CRTAC1: variants seen among roughly 807,000 people sequenced by gnomAD.
The protein encoded by CRTAC1 is acidic secreted protein in cartilage.
In CRTAC1, 37 loss-of-function variants were observed where a neutral mutation model predicts 67.8. The observed-to-expected ratio is 0.55, with a 90% confidence interval of 0.42 to 0.72. The LOEUF (loss-of-function observed/expected upper bound fraction) is 0.72. Among genes scored for constraint, CRTAC1 ranks in the 30% least tolerant of loss-of-function variants. The pLI is 0.00. For synonymous variants in CRTAC1, 348 were observed against 371.0 expected (o/e 0.94, Z 0.71); for missense variants, 780 against 931.6 (o/e 0.84, Z 2.12).
In CRTAC1 at chr10:98,011,262, T is replaced by C. The variant is rs372103618; in HGVS notation, c.100A>G (p.Met34Val). The part of the protein sequence containing the change: ...ITEGSQRAEP[M>V]FTAVTNSVLP... ...ACTGAGTTGGTGACTGCAGTGAACA[T>C]GGGTTCAGCCCGCTGGGACCCCTCA... The change falls in exon 2 of 15, where the codon ATG (methionine) becomes GTG (valine). Residue 34 changes from methionine to valine, a missense_variant. Transcript: ENST00000370597. 11 of 1,614,066 alleles carry C rather than the reference T, an allele frequency of 6.8e-6. No homozygotes were observed. Among genetic ancestry groups the C allele is most frequent in the African/African-American group, 1.3e-5 (1 of 74,928 alleles).
intron 2 of CRTAC1, 104 bp from the exon 3 acceptor site, chr10:97,936,470 G>T: frequency 1.1e-6 from 1 of 899,044 alleles, no homozygotes; most frequent in African/African-American, 1.7e-5. Context: ...CACGCCATGG[G>T]GCAAGTCAGA....
chr10:97,999,587 T>C (rs1842648781), intron 2 of CRTAC1, among the ~76,000 whole-genome samples: 1 of 152,188 alleles, frequency 6.6e-6, no homozygotes, highest in South Asian at 2.1e-4. Flanking sequence ...GTGTCATGAA[T>C]GGCAGCAGGA....
At chr10:97,953,576 C>T (rs1010173920) in intron 2 of CRTAC1, among the ~76,000 whole-genome samples, 1 of 152,170 alleles carries the variant, frequency 6.6e-6, no homozygotes, top group Non-Finnish European at 1.5e-5. Flanking sequence ...AGCTTTCCTT[C>T]CATTCTCATG....
chr10:97,910,046 G>T (rs187712452), intron 5 of CRTAC1, among the ~76,000 whole-genome samples: 1 of 151,978 alleles, frequency 6.6e-6, no homozygotes, highest in Admixed American at 6.6e-5. Flanking sequence ...TTTACTAGGG[G>T]CTAGGGGTAG....
At chr10:97,921,340 C>T (rs1019464592) in intron 4 of CRTAC1, among the ~76,000 whole-genome samples, 1 of 152,148 alleles carries the variant, frequency 6.6e-6, no homozygotes, top group Non-Finnish European at 1.5e-5. Context: ...AAGTTAGAAA[C>T]TTGTGTCTGC....
At chr10:97,876,687 C>T (rs1263381937) in intron 14 of CRTAC1, among the ~76,000 whole-genome samples, 2 of 152,124 alleles carry the variant, frequency 1.3e-5, no homozygotes, top group Non-Finnish European at 2.9e-5. Flanking sequence ...ACAAAGATGT[C>T]AGGAGCCTAG....
intron 2 of CRTAC1, among the ~76,000 whole-genome samples, chr10:98,000,624 G>A (rs1047915980): frequency 3.3e-5 from 5 of 152,218 alleles, no homozygotes; most frequent in Admixed American, 1.3e-4. Flanking sequence ...TGGGCGGAGC[G>A]AGCCCATCAG....
At chr10:97,958,711 A>G (rs1194781408) in intron 2 of CRTAC1, among the ~76,000 whole-genome samples, 1 of 152,194 alleles carries the variant, frequency 6.6e-6, no homozygotes, top group Non-Finnish European at 1.5e-5. Flanking sequence ...CTGGTGGCCA[A>G]CCAGCAAGGT....
At position 98,030,381 on chromosome 10, in the gene CRTAC1, G is replaced by A. The variant is rs1843347348; in HGVS notation, c.24+68C>T. Reference sequence around the variant, plus strand: ...CCCCGCCACCCTTGCGGGCGGATCCGGGGGGGCGCGCAGAGCTGGAGAAAC... The same window carrying A: ...CCCCGCCACCCTTGCGGGCGGATCCAGGGGGGCGCGCAGAGCTGGAGAAAC... On this transcript the variant is annotated intron_variant, in intron 1 of 14. Coordinates refer to ENST00000370597, the MANE Select transcript of CRTAC1 (RefSeq NM_018058.7). The surrounding 1 kb of genome is among the most constrained non-coding windows in gnomAD (Gnocchi z 4.2). The A allele has an allele frequency of 9.0e-6, 9 of 1,001,352 alleles. No individual in the cohort carries two copies. The highest frequency in any genetic ancestry group is 1.2e-5 in the Non-Finnish European group (9 of 764,100). 62.0% of individuals were successfully genotyped at this position (1,001,352 alleles called of 1,614,324 possible).
At chr10:97,902,377 T>C (rs559148988) in intron 7 of CRTAC1, among the ~76,000 whole-genome samples, 15 of 152,320 alleles carry the variant, frequency 9.8e-5, no homozygotes, top group African/African-American at 3.4e-4. Context: ...CTCTACTACC[T>C]TACGTTGTTT....
chr10:97,916,001 G>A (rs1461984030), intron 5 of CRTAC1, among the ~76,000 whole-genome samples: 2 of 151,868 alleles, frequency 1.3e-5, no homozygotes, highest in East Asian at 1.9e-4. Flanking sequence ...CCTCCTTCCC[G>A]CTCCTCGGTT....
chr10:98,010,626 C>G (rs887844703), intron 2 of CRTAC1, among the ~76,000 whole-genome samples: 1 of 152,086 alleles, frequency 6.6e-6, no homozygotes, highest in African/African-American at 2.4e-5. Flanking sequence ...GCATGCTCAG[C>G]GGAGGTTTAG....
At chr10:97,883,788 G>C (rs895157418) in intron 12 of CRTAC1, among the ~76,000 whole-genome samples, 6 of 152,196 alleles carry the variant, frequency 3.9e-5, no homozygotes, top group Admixed American at 6.5e-5. Context: ...AGAAAACCTG[G>C]TGCAGGCTCT....
intron 3 of CRTAC1, among the ~76,000 whole-genome samples, chr10:97,928,307 T>C (rs964758958): frequency 6.6e-6 from 1 of 152,110 alleles, no homozygotes; most frequent in African/African-American, 2.4e-5. Flanking sequence ...GGGGGCCAGG[T>C]GCTACACCAG....
At chr10:98,001,251 G>A (rs1441005364) in intron 2 of CRTAC1, among the ~76,000 whole-genome samples, 1 of 152,054 alleles carries the variant, frequency 6.6e-6, no homozygotes, top group Non-Finnish European at 1.5e-5. Flanking sequence ...AGGCCAAGCA[G>A]AAAAATATAA....
intron 1 of CRTAC1, among the ~76,000 whole-genome samples, chr10:98,012,328 C>T (rs999201323): frequency 2.6e-5 from 4 of 151,918 alleles, no homozygotes; most frequent in African/African-American, 9.7e-5. Context: ...TGAGTGAAAG[C>T]AAGGGAGACA....
At chr10:97,955,869 C>G (rs532549778) in intron 2 of CRTAC1, among the ~76,000 whole-genome samples, 1 of 152,140 alleles carries the variant, frequency 6.6e-6, no homozygotes, top group African/African-American at 2.4e-5. Context: ...AAAGAGGCCA[C>G]GATGACTAAA....
At chr10:98,023,470 G>T (rs1299366766) in intron 1 of CRTAC1, among the ~76,000 whole-genome samples, 1 of 152,206 alleles carries the variant, frequency 6.6e-6, no homozygotes, top group Non-Finnish European at 1.5e-5. Context: ...TGAATTTGTG[G>T]CTGAGAACAA....
At chr10:97,946,870 G>GT (rs2051273435) in intron 2 of CRTAC1, among the ~76,000 whole-genome samples, 1 of 152,144 alleles carries the variant, frequency 6.6e-6, no homozygotes, top group Non-Finnish European at 1.5e-5. Flanking sequence ...TTCTCGAAAC[G>GT]GTCTGGTTCG....
Sources: allele counts gnomAD v4.1 joint callset (sites outside exome capture counted in the v4.1 genomes callset), GRCh38; gene constraint gnomAD v4.1.1; non-coding constraint Gnocchi (gnomAD v3.1); transcripts MANE v1.5; gene names NCBI Gene and HGNC (gene_info 2026-07-23, HGNC 2026-07-21).